BIN1: variants seen among roughly 807,000 people sequenced by gnomAD.
BIN1 encodes bridging integrator 1, also known as myc box-dependent-interacting protein 1.
In BIN1, 53 loss-of-function variants were observed where a neutral mutation model predicts 82.0. That is an observed-to-expected ratio of 0.65 (90% confidence interval 0.52 to 0.81). BIN1 has a LOEUF of 0.81. BIN1 is among the 40% of genes least tolerant of loss of function. BIN1 has a pLI of 0.00. For missense variants in BIN1, 642 were observed against 784.4 expected (o/e 0.82, Z 2.17); for synonymous variants, 302 against 328.0 (o/e 0.92, Z 0.86).
chr2:127,060,460 A>G, intron 10 of BIN1: 1 of 1,341,228 alleles, frequency 7.5e-7, no homozygotes, highest in Non-Finnish European at 1.1e-6. Flanking sequence ...CACGCACACG[A>G]CAGCCCTGCC....
intron 1 of BIN1, chr2:127,081,976 C>A: frequency 2.9e-6 from 3 of 1,050,710 alleles, no homozygotes; most frequent in South Asian, 3.1e-5. Flanking sequence ...CGTTCTCACA[C>A]CGAGGCTCCC....
chr2:127,094,547 C>CA (rs34710894), intron 1 of BIN1, among the ~76,000 whole-genome samples: 60,357 of 152,062 alleles, frequency 0.4, 12,188 homozygotes, highest in Middle Eastern at 0.48. Context: ...CTGGGAGCTC[C>CA]GGTCCCTCTG....
intron 1 of BIN1, chr2:127,081,696 G>A (rs2105193254): frequency 1.2e-5 from 12 of 972,462 alleles, no homozygotes; most frequent in East Asian, 9.2e-5. Context: ...GGCACCCCTC[G>A]TCCCTGCAGT....
chr2:127,051,202 C>T lies in BIN1; in HGVS notation c.1413G>A (p.Ala471=), dbSNP rs371346104. 1.1e-5 allele frequency: 17 copies of T among 1,613,544 alleles called. No homozygotes were observed. The highest frequency in any genetic ancestry group is 4.0e-5 in the African/African-American group (3 of 74,932). Residue 471 remains alanine (A), a synonymous_variant, in exon 16 of 19, where the codon GCG becomes GCA. Coordinates refer to ENST00000316724, the MANE Select transcript of BIN1 (RefSeq NM_139343.3). ...ASEVAGGTQP[A]AGAQEPGETA... ...TCTCCCCTGGCTCCTGGGCTCCAGC[C>T]GCAGGTTGGGTCCCACCCGCCACCT...
chr2:127,051,339 G>T, intron 15 of BIN1, 96 bp from the exon 16 acceptor site: 1 of 1,262,738 alleles, frequency 7.9e-7, no homozygotes. Flanking sequence ...AAGCGACAGG[G>T]CCGGGGGCAT....
At chr2:127,061,210 C>G (rs1378992918) in intron 10 of BIN1, among the ~76,000 whole-genome samples, 12 of 141,620 alleles carry the variant, frequency 8.5e-5, no homozygotes, top group Non-Finnish European at 1.2e-4. Context: ...ACCCCGCTAC[C>G]CACCCCCCCA....
At chr2:127,077,818 C>A (rs892807443) in intron 1 of BIN1, among the ~76,000 whole-genome samples, 2 of 152,160 alleles carry the variant, frequency 1.3e-5, no homozygotes, top group Non-Finnish European at 2.9e-5. Context: ...TCCATCAGGG[C>A]GGCAGAAAGG....
At chr2:127,050,298 G>A (rs769628248) in intron 18 of BIN1, 123 bp downstream of exon 18, 74 of 982,742 alleles carry the variant, frequency 7.5e-5, no homozygotes, top group East Asian at 3.1e-4. Context: ...CAGTTGGCGC[G>A]GGAGCCCTGG....
chr2:127,104,830 A>G (rs1345203495), intron 1 of BIN1, among the ~76,000 whole-genome samples: 1 of 152,186 alleles, frequency 6.6e-6, no homozygotes, highest in Non-Finnish European at 1.5e-5. Context: ...AGGGAGGGGA[A>G]GGCTACTTTC....
At chr2:127,106,054 C>A (rs1001976093) in intron 1 of BIN1, among the ~76,000 whole-genome samples, 1 of 152,260 alleles carries the variant, frequency 6.6e-6, no homozygotes, top group Non-Finnish European at 1.5e-5. Context: ...CTCCATCCCC[C>A]ATTCCAGCTC....
intron 1 of BIN1, among the ~76,000 whole-genome samples, chr2:127,089,600 A>T (rs900710277): frequency 3.3e-5 from 5 of 152,082 alleles, no homozygotes; most frequent in Non-Finnish European, 7.4e-5. Flanking sequence ...GGTGGACTGG[A>T]CACACCCCAC....
chr2:127,081,207 G>C (rs936385927), intron 1 of BIN1, among the ~76,000 whole-genome samples: 1 of 152,198 alleles, frequency 6.6e-6, no homozygotes, highest in African/African-American at 2.4e-5. Context: ...GGCCTGTCTT[G>C]TTTGAGCCAG....
intron 1 of BIN1, among the ~76,000 whole-genome samples, chr2:127,100,740 G>A (rs544884876): frequency 2.0e-5 from 3 of 152,206 alleles, no homozygotes; most frequent in South Asian, 2.1e-4. Context: ...ACAACCCTGC[G>A]GCCTCTTTAG....
chr2:127,072,821 G>A (rs753430), intron 2 of BIN1, among the ~76,000 whole-genome samples: 75,697 of 151,854 alleles, frequency 0.5, 18,900 homozygotes, highest in South Asian at 0.58. Flanking sequence ...CGCGGGGCCG[G>A]GGAATGAGGA....
chr2:127,048,026 G>A (rs1341161027), downstream of BIN1: 6 of 200,280 alleles, frequency 3.0e-5, no homozygotes, highest in South Asian at 8.5e-5. Context: ...ATACACACAC[G>A]TTTTCTGAGA....
chr2:127,071,464 C>T (rs1573654268), intron 2 of BIN1, among the ~76,000 whole-genome samples: 1 of 152,172 alleles, frequency 6.6e-6, no homozygotes, highest in East Asian at 1.9e-4. Flanking sequence ...GCTGAGGGGA[C>T]AGTGGGCTGG....
chr2:127,091,970 G>A (rs1009815903), intron 1 of BIN1, among the ~76,000 whole-genome samples: 14 of 152,048 alleles, frequency 9.2e-5, no homozygotes, highest in Non-Finnish European at 1.6e-4. Flanking sequence ...AAGAACATGC[G>A]GAGGGAGTCA....
chr2:127,097,910 C>T (rs1193826262), intron 1 of BIN1, among the ~76,000 whole-genome samples: 1 of 152,234 alleles, frequency 6.6e-6, no homozygotes, highest in Non-Finnish European at 1.5e-5. Flanking sequence ...CACACTACCA[C>T]CTGCCTCCTT....
chr2:127,104,126 A>G (rs1258509491), intron 1 of BIN1, among the ~76,000 whole-genome samples: 1 of 152,258 alleles, frequency 6.6e-6, no homozygotes, highest in Non-Finnish European at 1.5e-5. Flanking sequence ...GTGTCCAGGC[A>G]GGATTTGATG....
Sources: allele counts gnomAD v4.1 joint callset (sites outside exome capture counted in the v4.1 genomes callset), GRCh38; gene constraint gnomAD v4.1.1; transcripts MANE v1.5; gene names NCBI Gene and HGNC (gene_info 2026-07-23, HGNC 2026-07-21).